MACROD2: variants seen among roughly 807,000 people sequenced by gnomAD.
MACROD2 encodes the protein ADP-ribose glycohydrolase MACROD2.
MACROD2 carries 36 observed loss-of-function variants against 70.4 expected under a neutral mutation model. The ratio of observed to expected loss-of-function variants is 0.51; its 90% CI spans 0.39 to 0.68. The LOEUF is 0.68. Among genes scored for constraint, MACROD2 ranks in the 30% least tolerant of loss-of-function variants. The pLI, the probability that MACROD2 is intolerant of heterozygous loss-of-function variation, is 0.00. For missense variants in MACROD2, 496 were observed against 538.4 expected, an observed-to-expected ratio of 0.92 and a Z score of 0.78; for synonymous variants, 172 against 178.8, an observed-to-expected ratio of 0.96 and a Z score of 0.30.
chr20:15,685,787 G>T (rs893578731), intron 8 of MACROD2, among the ~76,000 whole-genome samples: 1 of 152,158 alleles, frequency 6.6e-6, no homozygotes, highest in Non-Finnish European at 1.5e-5. Flanking sequence ...CCAGCCCTCT[G>T]ACAATTTCAG....
intron 5 of MACROD2, among the ~76,000 whole-genome samples, chr20:15,067,834 G>T (rs2075589505): frequency 6.6e-6 from 1 of 152,096 alleles, no homozygotes; most frequent in Non-Finnish European, 1.5e-5. Context: ...CTACAAATTG[G>T]TTTTATAATA....
intron 8 of MACROD2, among the ~76,000 whole-genome samples, chr20:15,711,788 T>G (rs2050633310): frequency 6.6e-6 from 1 of 152,224 alleles, no homozygotes; most frequent in African/African-American, 2.4e-5. Flanking sequence ...TGCTTGAAGT[T>G]TCTTAGGTGA....
chr20:14,486,236 G>T (rs1322086339), intron 3 of MACROD2, among the ~76,000 whole-genome samples: 1 of 152,170 alleles, frequency 6.6e-6, no homozygotes, highest in Non-Finnish European at 1.5e-5. Context: ...ATGTTGTAAA[G>T]AACCTTGATT....
chr20:14,941,950 T>C, intron 5 of MACROD2, among the ~76,000 whole-genome samples: 1 of 77,532 alleles, frequency 1.3e-5, no homozygotes, highest in East Asian at 2.6e-4. Flanking sequence ...TGCCCGGCTA[T>C]TTTTTTTTTT....
chr20:15,403,805 G>A (rs894449227), intron 6 of MACROD2, among the ~76,000 whole-genome samples: 12 of 152,162 alleles, frequency 7.9e-5, no homozygotes, highest in African/African-American at 2.9e-4. Context: ...CCTAAGGATG[G>A]CAGACAGAAA....
intron 6 of MACROD2, among the ~76,000 whole-genome samples, chr20:15,263,834 G>A (rs1039637867): frequency 1.3e-4 from 20 of 151,802 alleles, no homozygotes; most frequent in African/African-American, 4.8e-4. Context: ...TTTTTGGATT[G>A]TTCACTGTTG....
chr20:14,544,848 G>A (rs537260443), intron 4 of MACROD2, among the ~76,000 whole-genome samples: 235 of 152,278 alleles, frequency 1.5e-3, no homozygotes, highest in African/African-American at 5.3e-3. Context: ...TTAGTTGAGG[G>A]CTACTCTGTG....
chr20:14,395,853 A>G (rs1466644196), intron 3 of MACROD2, among the ~76,000 whole-genome samples: 2 of 152,298 alleles, frequency 1.3e-5, no homozygotes, highest in East Asian at 3.9e-4. Flanking sequence ...TGGGTTATTT[A>G]GAAGTGTGTA....
chr20:14,731,901 C>A (rs1338394603), intron 5 of MACROD2, among the ~76,000 whole-genome samples: 1 of 152,076 alleles, frequency 6.6e-6, no homozygotes, highest in East Asian at 1.9e-4. Flanking sequence ...ATTCTTCTCA[C>A]TAAATTTTTT....
chr20:14,197,838 C>T (rs147908453), intron 3 of MACROD2, among the ~76,000 whole-genome samples: 1 of 152,166 alleles, frequency 6.6e-6, no homozygotes, highest in Non-Finnish European at 1.5e-5. Flanking sequence ...TAAAGCTAAA[C>T]AACCTTTTAA....
chr20:15,789,525 G>A (rs1308345404), intron 8 of MACROD2, among the ~76,000 whole-genome samples: 1 of 152,046 alleles, frequency 6.6e-6, no homozygotes, highest in Non-Finnish European at 1.5e-5. Context: ...TCTAAAATGA[G>A]TTCCCAAAAA....
chr20:15,377,913 G>A (rs1425583793), intron 6 of MACROD2, among the ~76,000 whole-genome samples: 2 of 152,014 alleles, frequency 1.3e-5, no homozygotes, highest in African/African-American at 4.8e-5. Context: ...AACACTGCAC[G>A]TTCTCACTTA....
At chr20:14,536,661 G>A (rs1330425757) in intron 4 of MACROD2, among the ~76,000 whole-genome samples, 1 of 151,450 alleles carries the variant, frequency 6.6e-6, no homozygotes, top group East Asian at 1.9e-4. Context: ...GTGTGTGTGT[G>A]TGCATGCATG....
rs540298984 is a variant in MACROD2, at chr20:15,453,547, G to A, written c.571+22112G>A. Among the ~76,000 whole-genome samples the A allele has an allele frequency of 2.0e-5, 3 of 152,236 alleles. No individual in the cohort carries two copies. The South Asian group carries it at 6.2e-4, about 32-fold the overall frequency. On this transcript the variant is annotated intron_variant, in intron 7 of 17. Transcript: ENST00000684519. ...CTATGTCCTGGAAACCTATAATTGT[G>A]CCTGAAATCTTATGTGTTATTTGTA...
intron 5 of MACROD2, among the ~76,000 whole-genome samples, chr20:14,943,447 T>C (rs2074406463): frequency 6.6e-6 from 1 of 152,268 alleles, no homozygotes; most frequent in African/African-American, 2.4e-5. Flanking sequence ...TAAAATTTTG[T>C]TTACATGCTA....
At chr20:14,725,697 A>G (rs769620457) in intron 5 of MACROD2, among the ~76,000 whole-genome samples, 97 of 152,136 alleles carry the variant, frequency 6.4e-4, no homozygotes, top group South Asian at 1.0e-3. Context: ...CTGAAGCTCC[A>G]TTCTGCTGGT....
chr20:15,783,086 C>T (rs908377165), intron 8 of MACROD2, among the ~76,000 whole-genome samples: 1 of 151,992 alleles, frequency 6.6e-6, no homozygotes, highest in Non-Finnish European at 1.5e-5. Flanking sequence ...TTCAAACATA[C>T]TGGTTATGCA....
Position 15,819,852 on chromosome 20 carries a change from G to A in MACROD2, c.646-42893G>A, listed in dbSNP as rs921158745. Among the ~76,000 whole-genome samples the A allele has an allele frequency of 3.3e-5, 5 of 152,032 alleles. No homozygotes were observed. In the South Asian group the frequency reaches 1.0e-3, roughly 31 times the overall value. On this transcript the variant is annotated intron_variant, in intron 8 of 17. Transcript: ENST00000684519. ...AACAACTCCAGAGACTGAATATACA[G>A]CATGAAGGCTACAGCTAATAAAATT...
intron 3 of MACROD2, among the ~76,000 whole-genome samples, chr20:14,226,805 C>T (rs1329487329): frequency 6.6e-6 from 1 of 152,240 alleles, no homozygotes; most frequent in Non-Finnish European, 1.5e-5. Context: ...TCCGTGGGCT[C>T]CTGTGCGGCC....
Sources: allele counts gnomAD v4.1 joint callset (sites outside exome capture counted in the v4.1 genomes callset), GRCh38; gene constraint gnomAD v4.1.1; transcripts MANE v1.5; gene names NCBI Gene and HGNC (gene_info 2026-07-23, HGNC 2026-07-21).